Variants in ATOX1 observed in about 807,000 individuals in gnomAD.
ATOX1 encodes copper transport protein ATOX1.
In ATOX1, 4 loss-of-function variants were observed where a neutral mutation model predicts 7.3. The observed-to-expected ratio is 0.55, with a 90% CI of 0.27 to 1.25. The LOEUF (loss-of-function observed/expected upper bound fraction) is 1.25, where lower values mean the gene tolerates loss of function less well. ATOX1 is among the 50% of genes most tolerant of loss of function. The probability of loss-of-function intolerance (pLI) is 0.12; values close to 1 mark genes in which losing one functional copy is unlikely to be tolerated. For missense variants in ATOX1, 68 were observed against 81.6 expected (o/e 0.83, Z 0.64); for synonymous variants, 25 against 28.7 (o/e 0.87, Z 0.41).
intron 1 of ATOX1, among the ~76,000 whole-genome samples, chr5:151,756,515 C>T (rs1378282495): frequency 6.6e-6 from 1 of 151,110 alleles, no homozygotes; most frequent in Non-Finnish European, 1.5e-5. Context: ...CTCTGTCACC[C>T]AAGCTGGAAT....
chr5:151,749,661 C>CA (rs781536166), intron 2 of ATOX1, among the ~76,000 whole-genome samples: 1,688 of 53,928 alleles, frequency 0.031, 40 homozygotes, highest in African/African-American at 0.092. Context: ...ACTCCATCTC[C>CA]AAAAAAAAAA....
chr5:151,743,270 C>A (rs1761842369), intron 3 of ATOX1: 1 of 152,210 alleles, frequency 6.6e-6, no homozygotes, highest in Non-Finnish European at 1.5e-5. Context: ...TGCCAGGATA[C>A]CCAGTCAACA....
intron 3 of ATOX1, chr5:151,744,290 A>G (rs1761856304): frequency 6.6e-6 from 1 of 152,172 alleles, no homozygotes; most frequent in Non-Finnish European, 1.5e-5. Flanking sequence ...ACTTTAACCC[A>G]TTTATGCCTA....
intron 1 of ATOX1, among the ~76,000 whole-genome samples, chr5:151,757,278 C>T (rs1007466732): frequency 6.6e-6 from 1 of 152,192 alleles, no homozygotes; most frequent in Non-Finnish European, 1.5e-5. Flanking sequence ...CAGTGATGAT[C>T]AAGCTAGCCT....
intron 1 of ATOX1, chr5:151,752,001 T>C (rs1018070760): frequency 3.3e-6 from 2 of 600,274 alleles, no homozygotes; most frequent in African/African-American, 3.7e-5. Context: ...ATCATCCCTA[T>C]AAATCCTTTA....
At chr5:151,757,191 T>C (rs1714619693) in intron 1 of ATOX1, among the ~76,000 whole-genome samples, 1 of 152,220 alleles carries the variant, frequency 6.6e-6, no homozygotes, top group Non-Finnish European at 1.5e-5. Context: ...TTGTGGTACA[T>C]GGTGCCAAGT....
chr5:151,750,474 C>G (rs1761933041), intron 2 of ATOX1, among the ~76,000 whole-genome samples: 2 of 144,620 alleles, frequency 1.4e-5, no homozygotes, highest in South Asian at 4.3e-4. Context: ...CCACTGCACT[C>G]CAGCCTGGGC....
Position 151,746,336 on chromosome 5 carries a change from C to T in ATOX1, c.196G>A (p.Gly66Ser). 1 of 1,613,544 alleles carries T rather than the reference C, an allele frequency of 6.2e-7. No homozygotes were observed. Among genetic ancestry groups the T allele is most frequent in the Non-Finnish European group, 8.5e-7 (1 of 1,179,724 alleles). ...KKTGKTVSYLGLE is the reference protein window; with the variant it reads ...KKTGKTVSYLSLE Reference sequence around the variant, plus strand: ...GGACCAGGCCCCTGCTACTCAAGGCCAAGGTAGGAAACAGTCTTTCCTGTT... The same window carrying T: ...GGACCAGGCCCCTGCTACTCAAGGCTAAGGTAGGAAACAGTCTTTCCTGTT... The change falls in exon 3 of 4, where the codon GGC becomes AGC. Residue 66 changes from glycine (G) to serine (S), a missense_variant. Coordinates refer to ENST00000313115, the MANE Select transcript of ATOX1 (RefSeq NM_004045.4).
Position 151,751,796 on chromosome 5 carries a change from G to A in ATOX1, c.7-17C>T. ...CTCGTGCTTCTGAAACAAACACAGG[G>A]GGACCATGACCCGAGCCCTGTAGAG... On this transcript the variant is annotated splice_polypyrimidine_tract_variant and intron_variant, in intron 1 of 3. Coordinates refer to ENST00000313115, the MANE Select transcript of ATOX1 (RefSeq NM_004045.4). 1 of 1,596,570 alleles carries A rather than the reference G, an allele frequency of 6.3e-7. No individual in the cohort carries two copies. The highest frequency in any genetic ancestry group is 1.7e-5 in the Admixed American group (1 of 57,232).
chr5:151,746,320 C>T lies in ATOX1; in HGVS notation c.*5G>A, dbSNP rs745466511. ...ATCCTGTGGGCTGTGGGGACCAGGC[C>T]CCTGCTACTCAAGGCCAAGGTAGGA... On this transcript the variant is annotated 3_prime_UTR_variant, in exon 3 of 4. Coordinates refer to ENST00000313115, the MANE Select transcript of ATOX1 (RefSeq NM_004045.4). 8 of 1,612,896 alleles carry T rather than the reference C, an allele frequency of 5.0e-6. No individual in the cohort carries two copies. Among genetic ancestry groups the T allele is most frequent in the South Asian group, 1.1e-5 (1 of 91,042 alleles).
chr5:151,749,442 G>A (rs1167791272), intron 2 of ATOX1, among the ~76,000 whole-genome samples: 9 of 150,990 alleles, frequency 6.0e-5, no homozygotes, highest in East Asian at 5.9e-4. Context: ...CTGAGATCAC[G>A]CCATTGCACT....
chr5:151,755,813 T>C lies in ATOX1; in HGVS notation c.6+2733A>G, dbSNP rs75576497. 1.7e-3 allele frequency among the ~76,000 whole-genome samples: 264 copies of C among 152,304 alleles called. 4 individuals carry two copies. The highest frequency in any genetic ancestry group is 0.015 in the East Asian group (80 of 5,192). The stretch of plus-strand genomic sequence containing the variant: ...TCTCAAGATTGGCTCTACCACCAGA[T>C]GCATAACTGGGTAGTTCTGGTTCCT... On this transcript the variant is annotated intron_variant, in intron 1 of 3. Coordinates refer to ENST00000313115, the MANE Select transcript of ATOX1 (RefSeq NM_004045.4).
chr5:151,747,306 G>C (rs1761889778), intron 2 of ATOX1, among the ~76,000 whole-genome samples: 1 of 151,838 alleles, frequency 6.6e-6, no homozygotes, highest in Admixed American at 6.6e-5. Flanking sequence ...TTTATTTAGA[G>C]ACAGGGTCTC....
chr5:151,744,698 A>G (rs1206421464), intron 3 of ATOX1: 1 of 152,086 alleles, frequency 6.6e-6, no homozygotes, highest in African/African-American at 2.4e-5. Flanking sequence ...GTCTTACGGG[A>G]AGCCCAATAT....
Position 151,751,695 on chromosome 5 carries a change from C to T in ATOX1, c.82+9G>A. 3 of 1,599,952 alleles carry T rather than the reference C, an allele frequency of 1.9e-6. No homozygotes were observed. The highest frequency in any genetic ancestry group is 2.6e-6 in the Non-Finnish European group (3 of 1,173,338). On this transcript the variant is annotated intron_variant, in intron 2 of 3. Coordinates refer to ENST00000313115, the MANE Select transcript of ATOX1 (RefSeq NM_004045.4). Reference sequence around the variant, plus strand: ...CATAAGTGCACCCAACTCAGGGCCACTCACTCACCTCCAAGCTTATTGAGG... The same window carrying T: ...CATAAGTGCACCCAACTCAGGGCCATTCACTCACCTCCAAGCTTATTGAGG...
Position 151,757,855 on chromosome 5 carries a change from A to G in ATOX1, c.6+691T>C, listed in dbSNP as rs77278712. On this transcript the variant is annotated intron_variant, in intron 1 of 3. Coordinates refer to ENST00000313115, the MANE Select transcript of ATOX1 (RefSeq NM_004045.4). ...TGCCAAAGGCCTCAATTCTTTATAT[A>G]AAAAACGAGGCCACGAGCAACAATA... 1.7e-3 allele frequency among the ~76,000 whole-genome samples: 266 copies of G among 152,340 alleles called. 4 individuals are homozygous for G. The highest frequency in any genetic ancestry group is 0.015 in the East Asian group (80 of 5,192).
At chr5:151,749,415 G>A (rs1358649590) in intron 2 of ATOX1, among the ~76,000 whole-genome samples, 2 of 151,480 alleles carry the variant, frequency 1.3e-5, no homozygotes, top group East Asian at 1.9e-4. Context: ...AACCTGGGAG[G>A]TGGAGGTTGC....
intron 1 of ATOX1, among the ~76,000 whole-genome samples, chr5:151,756,039 T>G (rs1762011854): frequency 6.6e-6 from 1 of 151,460 alleles, no homozygotes; most frequent in Admixed American, 6.6e-5. Flanking sequence ...CCTCCTGGGT[T>G]CAAGCGATTC....
chr5:151,751,897 T>A, intron 1 of ATOX1, 118 bp from the exon 2 acceptor site: 2 of 992,734 alleles, frequency 2.0e-6, no homozygotes, highest in Non-Finnish European at 3.0e-6. Flanking sequence ...CAGGACCTGG[T>A]TGGCATCAGA....
Sources: gnomAD v4.1 joint callset for allele counts (sites outside exome capture counted in the v4.1 genomes callset) on GRCh38, gnomAD v4.1.1 for gene constraint, MANE v1.5 for transcripts, NCBI Gene and HGNC (gene_info 2026-07-23, HGNC 2026-07-21) for gene names.